Variants in CSGALNACT1 observed in about 807,000 individuals in gnomAD.
CSGALNACT1 encodes the protein chondroitin sulfate N-acetylgalactosaminyltransferase 1, also known as beta4GalNAcT-1.
In CSGALNACT1, 52 loss-of-function variants were observed where a neutral mutation model predicts 51.0. The ratio of observed to expected loss-of-function variants is 1.02; its 90% CI spans 0.82 to 1.29. The LOEUF (loss-of-function observed/expected upper bound fraction) is 1.29, where lower values mean the gene tolerates loss of function less well. Among genes scored for constraint, CSGALNACT1 ranks in the 50% most tolerant of loss-of-function variants. The pLI, the probability that CSGALNACT1 is intolerant of heterozygous loss-of-function variation, is 0.00. For missense variants in CSGALNACT1, 935 were observed against 679.2 expected (o/e 1.38, Z -4.19); for synonymous variants, 341 against 254.4 (o/e 1.34, Z -3.24).
At chr8:19,753,698 T>C (rs117010994) in intron 1 of CSGALNACT1, among the ~76,000 whole-genome samples, 2 of 152,260 alleles carry the variant, frequency 1.3e-5, no homozygotes, top group Non-Finnish European at 2.9e-5. Flanking sequence ...TTAAAGGTAT[T>C]TAGTTTGTCA....
chr8:19,529,383 T>C (rs951302519), intron 3 of CSGALNACT1, among the ~76,000 whole-genome samples: 1 of 152,152 alleles, frequency 6.6e-6, no homozygotes, highest in Non-Finnish European at 1.5e-5. Context: ...CCTTGACCAC[T>C]ACTGGGCATC....
chr8:19,723,495 T>C (rs924279220), intron 1 of CSGALNACT1, among the ~76,000 whole-genome samples: 2 of 152,168 alleles, frequency 1.3e-5, no homozygotes, highest in African/African-American at 2.4e-5. Flanking sequence ...TTGACTTTGT[T>C]AGTTGTCAGG....
intron 1 of CSGALNACT1, among the ~76,000 whole-genome samples, chr8:19,655,905 G>A (rs2058229163): frequency 6.6e-6 from 1 of 152,160 alleles, no homozygotes; most frequent in Non-Finnish European, 1.5e-5. Context: ...TGTGATCAAT[G>A]TGCCACTACT....
At chr8:19,426,487 G>A (rs974273851) in intron 6 of CSGALNACT1, among the ~76,000 whole-genome samples, 1 of 152,168 alleles carries the variant, frequency 6.6e-6, no homozygotes, top group African/African-American at 2.4e-5. Context: ...CAATGGCAAA[G>A]AAATGTGCAT....
In CSGALNACT1 at chr8:19,667,003, GA is replaced by G. The variant is rs1201645786; in HGVS notation, c.-544+15469del. Among the ~76,000 whole-genome samples, 76 of 28,564 alleles carry G rather than the reference GA, an allele frequency of 2.7e-3. 2 individuals carry two copies. Among genetic ancestry groups the G allele is most frequent in the Admixed American group, 4.6e-3 (12 of 2,602 alleles). 18.7% of individuals were successfully genotyped at this position (28,564 alleles called of 152,430 possible). A position where few individuals can be genotyped will look rare whatever the true frequency, so the allele number is the denominator to read the frequency against. ...AGAAAGAAAGAAAGAAAGAAAGAAAGAAAGAAAGAAAGAAAGGAAGGAAGGA... is the reference window on the plus strand; with the variant it reads ...AGAAAGAAAGAAAGAAAGAAAGAAAGAAGAAAGAAAGAAAGGAAGGAAGGA... On this transcript the variant is annotated intron_variant, in intron 1 of 9. Transcript: ENST00000332246.
At chr8:19,651,684 T>G (rs1389139382) in intron 1 of CSGALNACT1, among the ~76,000 whole-genome samples, 1 of 152,236 alleles carries the variant, frequency 6.6e-6, no homozygotes, top group African/African-American at 2.4e-5. Flanking sequence ...TCTATGTTAA[T>G]TTCATGTCTT....
At chr8:19,646,057 C>T (rs779653572) in intron 1 of CSGALNACT1, among the ~76,000 whole-genome samples, 12 of 152,112 alleles carry the variant, frequency 7.9e-5, no homozygotes, top group Non-Finnish European at 1.8e-4. Flanking sequence ...GAAATCAACA[C>T]ATCTAGAATA....
At chr8:19,675,335 T>C (rs1480020712) in intron 1 of CSGALNACT1, among the ~76,000 whole-genome samples, 1 of 152,232 alleles carries the variant, frequency 6.6e-6, no homozygotes, top group Non-Finnish European at 1.5e-5. Context: ...CCTACTTCTC[T>C]AACGGCCTTG....
At chr8:19,421,148 C>G (rs914905524) in intron 6 of CSGALNACT1, among the ~76,000 whole-genome samples, 2 of 152,242 alleles carry the variant, frequency 1.3e-5, no homozygotes, top group African/African-American at 4.8e-5. Flanking sequence ...ATGAATCTTC[C>G]TGAACCTCAG....
intron 5 of CSGALNACT1, among the ~76,000 whole-genome samples, chr8:19,445,335 G>A (rs1185756944): frequency 6.6e-6 from 1 of 152,206 alleles, no homozygotes; most frequent in East Asian, 1.9e-4. Context: ...CCTAGAATCA[G>A]GAGAGGGTCA....
At chr8:19,577,497 G>A (rs933945290) in intron 3 of CSGALNACT1, among the ~76,000 whole-genome samples, 3 of 151,640 alleles carry the variant, frequency 2.0e-5, no homozygotes, top group Admixed American at 6.6e-5. Flanking sequence ...GGAATTCAAG[G>A]TTATAGTGAT....
chr8:19,680,443 C>A (rs1258690144), intron 1 of CSGALNACT1, among the ~76,000 whole-genome samples: 4 of 151,704 alleles, frequency 2.6e-5, no homozygotes, highest in Non-Finnish European at 5.9e-5. Context: ...GTAATCCCAG[C>A]TACCTGGGAG....
At chr8:19,646,771 C>G (rs759608299) in intron 1 of CSGALNACT1, among the ~76,000 whole-genome samples, 15 of 152,088 alleles carry the variant, frequency 9.9e-5, no homozygotes, top group Admixed American at 2.6e-4. Flanking sequence ...GACAAAAAGA[C>G]CTAGCCGATA....
exon 4 of CSGALNACT1, chr8:19,505,502 G>C (rs377638409): frequency 6.2e-7 from 1 of 1,613,914 alleles, no homozygotes; most frequent in South Asian, 1.1e-5. Flanking sequence ...TCTCTGGGGG[G>C]CTCCTGTCCA....
At chr8:19,609,901 G>A (rs185046702) in intron 1 of CSGALNACT1, among the ~76,000 whole-genome samples, 2 of 152,212 alleles carry the variant, frequency 1.3e-5, no homozygotes, top group African/African-American at 4.8e-5. Context: ...GACGTGCTGG[G>A]ACGGGAGGAG....
chr8:19,561,953 C>T (rs999581870), intron 3 of CSGALNACT1, among the ~76,000 whole-genome samples: 2 of 152,102 alleles, frequency 1.3e-5, no homozygotes, highest in Non-Finnish European at 2.9e-5. Context: ...CATTTCTCAC[C>T]CTTGAACCTC....
intron 4 of CSGALNACT1, among the ~76,000 whole-genome samples, chr8:19,494,576 T>A (rs367659139): frequency 6.6e-6 from 1 of 152,172 alleles, no homozygotes; most frequent in South Asian, 2.1e-4. Flanking sequence ...TCACATCCAA[T>A]GAACAAAGAA....
At chr8:19,650,972 C>T (rs942905423) in intron 1 of CSGALNACT1, among the ~76,000 whole-genome samples, 9 of 152,100 alleles carry the variant, frequency 5.9e-5, no homozygotes, top group South Asian at 2.1e-4. Flanking sequence ...TTTACAGCAT[C>T]AGGAGAACAC....
intron 1 of CSGALNACT1, among the ~76,000 whole-genome samples, chr8:19,714,703 AT>A (rs2062704231): frequency 1.3e-5 from 2 of 151,134 alleles, no homozygotes; most frequent in Non-Finnish European, 2.9e-5. Context: ...TGGTTCCAAC[AT>A]CTGTGACATG....
Sources: allele counts gnomAD v4.1 joint callset (sites outside exome capture counted in the v4.1 genomes callset), GRCh38; gene constraint gnomAD v4.1.1; transcripts MANE v1.5; gene names NCBI Gene and HGNC (gene_info 2026-07-23, HGNC 2026-07-21).